Variants in NEK10 observed in about 807,000 individuals in gnomAD.
NEK10 encodes NIMA related kinase 10, also known as serine/threonine-protein kinase Nek10.
NEK10 carries 122 observed loss-of-function variants against 159.8 expected under a neutral mutation model. The ratio of observed to expected loss-of-function variants is 0.76; its 90% confidence interval spans 0.66 to 0.89. The LOEUF is 0.89. Among genes scored for constraint, NEK10 ranks in the 40% least tolerant of loss-of-function variants. The pLI is 0.00. For synonymous variants in NEK10, 466 were observed against 457.1 expected (o/e 1.02, Z -0.25); for missense variants, 1,342 against 1,323.1 (o/e 1.01, Z -0.22).
intron 26 of NEK10, among the ~76,000 whole-genome samples, chr3:27,180,300 C>T (rs1323380229): frequency 2.0e-5 from 3 of 151,616 alleles, no homozygotes; most frequent in Non-Finnish European, 2.9e-5. Flanking sequence ...GAGGCGAAGG[C>T]AGGAGAATCA....
intron 26 of NEK10, among the ~76,000 whole-genome samples, chr3:27,181,468 G>A (rs2148919341): frequency 6.6e-6 from 1 of 152,202 alleles, no homozygotes; most frequent in South Asian, 2.1e-4. Flanking sequence ...AAGAGGAAGA[G>A]GAGGGGTTGG....
intron 5 of NEK10, among the ~76,000 whole-genome samples, chr3:27,324,588 C>A (rs1305704609): frequency 2.6e-5 from 4 of 152,164 alleles, no homozygotes; most frequent in Non-Finnish European, 5.9e-5. Flanking sequence ...CCACTTCTCA[C>A]TATTTCCTCC....
At chr3:27,180,442 G>A (rs1313052971) in intron 26 of NEK10, among the ~76,000 whole-genome samples, 1 of 150,968 alleles carries the variant, frequency 6.6e-6, no homozygotes, top group Non-Finnish European at 1.5e-5. Flanking sequence ...GGAGGGGAAG[G>A]GAGGGGAAGG....
chr3:27,127,638 A>G (rs1942124750), intron 32 of NEK10, among the ~76,000 whole-genome samples: 1 of 152,176 alleles, frequency 6.6e-6, no homozygotes, highest in African/African-American at 2.4e-5. Flanking sequence ...GACCACTGTC[A>G]TATATCCAGT....
intron 31 of NEK10, among the ~76,000 whole-genome samples, chr3:27,136,270 G>A (rs766024160): frequency 5.3e-5 from 8 of 151,458 alleles, no homozygotes; most frequent in African/African-American, 1.7e-4. Flanking sequence ...CCACCACCAC[G>A]CCCGGCTAAT....
chr3:27,213,654 C>T (rs951897293), intron 23 of NEK10, among the ~76,000 whole-genome samples: 22 of 152,248 alleles, frequency 1.4e-4, no homozygotes, highest in African/African-American at 5.1e-4. Flanking sequence ...ATTATAATCT[C>T]CTCTTTTTGG....
chr3:27,146,319 C>T (rs1427870066), intron 30 of NEK10, among the ~76,000 whole-genome samples: 1 of 152,050 alleles, frequency 6.6e-6, no homozygotes, highest in Non-Finnish European at 1.5e-5. Context: ...ACAAATTAAA[C>T]CCAAAAAAGT....
At chr3:27,205,606 G>T (rs1469705359) in intron 23 of NEK10, among the ~76,000 whole-genome samples, 2 of 139,164 alleles carry the variant, frequency 1.4e-5, no homozygotes, top group Non-Finnish European at 3.0e-5. Flanking sequence ...AAGCAATGTG[G>T]AAAGGATTCC....
rs113412418 is a variant in NEK10 at position 27,337,031 on chromosome 3, G to C, written c.362+7241C>G. 3.7e-4 allele frequency among the ~76,000 whole-genome samples: 47 copies of C among 126,706 alleles called. 1 individual carries two copies. Among genetic ancestry groups the C allele is most frequent in the East Asian group, 1.6e-3 (8 of 5,100 alleles). The allele number at this position is 126,706 out of a possible 152,430, so 83.1% of individuals were successfully genotyped here. On this transcript the variant is annotated intron_variant, in intron 5 of 35. Transcript: ENST00000691995. ...GAAATAAAAGGCATACACATTTGGC[G>C]GGGGGGAAAGGAAGATGTACCTCTT...
In NEK10 at chr3:27,218,699, C is replaced by A. The variant is rs79805289; in HGVS notation, c.2091-16142G>T. Among the ~76,000 whole-genome samples the A allele has an allele frequency of 1.6e-4, 20 of 121,440 alleles. No individual in the cohort carries two copies. In the East Asian group the frequency reaches 4.7e-3, roughly 28 times the overall value. The allele number at this position is 121,440 out of a possible 152,430, so 79.7% of individuals were successfully genotyped here. ...CAAGGACGGCTTAAAATACGAAAAT[C>A]AATCCAGGTAAAACATCATATTAAC... On this transcript the variant is annotated intron_variant, in intron 23 of 35. Coordinates refer to ENST00000691995, the MANE Select transcript of NEK10 (RefSeq NM_001394966.1).
rs1378386170 is a variant in NEK10, at chr3:27,256,372, C to T, written c.2015-1G>A. 1.3e-6 allele frequency: 2 copies of T among 1,563,988 alleles called. No individual in the cohort carries two copies. Among genetic ancestry groups the T allele is most frequent in the Admixed American group, 2.0e-5 (1 of 50,210 alleles). ...TTTTGCTTTGCCAGGCCAAAGTCAG[C>T]TACAATTCACAAAACAACGCAATAT... is the stretch of plus-strand genomic sequence containing the variant. On this transcript the variant is annotated splice_acceptor_variant, in intron 22 of 35. Coordinates refer to ENST00000691995, the MANE Select transcript of NEK10 (RefSeq NM_001394966.1). LOFTEE classifies it high-confidence loss of function.
intron 22 of NEK10, among the ~76,000 whole-genome samples, chr3:27,275,835 A>C (rs2041730098): frequency 1.3e-5 from 2 of 152,190 alleles, no homozygotes; most frequent in African/African-American, 2.4e-5. Flanking sequence ...AAAATACTGA[A>C]GATTCTGGCA....
chr3:27,199,695 C>T (rs1254546091), intron 25 of NEK10, among the ~76,000 whole-genome samples: 1 of 152,080 alleles, frequency 6.6e-6, no homozygotes, highest in African/African-American at 2.4e-5. Context: ...ATAGCAAAGA[C>T]ATGGAATCAA....
At chr3:27,189,843 G>T (rs1019233625) in intron 26 of NEK10, among the ~76,000 whole-genome samples, 2 of 152,066 alleles carry the variant, frequency 1.3e-5, no homozygotes, top group Non-Finnish European at 2.9e-5. Flanking sequence ...TTTAAAGCAG[G>T]AATATAAACT....
In NEK10 at chr3:27,150,200, T is replaced by C. The variant is rs1314533489; in HGVS notation, c.2870-8618A>G. Reference sequence around the variant, plus strand: ...TACAAGGCAAAGCTGTAAATGCTGATATAGAAGTTGCAGCAAGGTAAGATC... The same window carrying C: ...TACAAGGCAAAGCTGTAAATGCTGACATAGAAGTTGCAGCAAGGTAAGATC... On this transcript the variant is annotated intron_variant, in intron 30 of 35. Coordinates refer to ENST00000691995, the MANE Select transcript of NEK10 (RefSeq NM_001394966.1). Among the ~76,000 whole-genome samples the C allele has an allele frequency of 2.6e-5, 4 of 152,312 alleles. No individual in the cohort carries two copies. The East Asian group carries it at 7.7e-4, about 29-fold the overall frequency.
intron 5 of NEK10, among the ~76,000 whole-genome samples, chr3:27,343,661 A>G (rs2047358229): frequency 6.6e-6 from 1 of 152,190 alleles, no homozygotes; most frequent in African/African-American, 2.4e-5. Flanking sequence ...GAACGGACAG[A>G]AAATTCGGAC....
At chr3:27,190,133 A>T (rs888862035) in intron 26 of NEK10, among the ~76,000 whole-genome samples, 4 of 152,130 alleles carry the variant, frequency 2.6e-5, no homozygotes, top group African/African-American at 9.7e-5. Context: ...ACATTAACTC[A>T]TTTATCCTAG....
At position 27,141,506 on chromosome 3, in the gene NEK10, C is replaced by T; in HGVS notation, c.2946G>A (p.Leu982=). ...CCTGTGTGATATAGATTATTTTGTG[C>T]AGCTGAATTAATATCTGCTGAATAG... is the stretch of plus-strand genomic sequence containing the variant. ...SDPIQQILIQ[L]HKIIYITQLP... Residue 982 remains leucine, a synonymous_variant, in exon 31 of 36, where the codon CTG becomes CTA. Transcript: ENST00000691995. 6.2e-7 allele frequency: 1 copy of T among 1,612,508 alleles called. No homozygotes were observed. The highest frequency in any genetic ancestry group is 8.5e-7 in the Non-Finnish European group (1 of 1,178,968).
At chr3:27,144,908 G>A (rs771813493) in intron 30 of NEK10, among the ~76,000 whole-genome samples, 1 of 151,992 alleles carries the variant, frequency 6.6e-6, no homozygotes, top group Non-Finnish European at 1.5e-5. Flanking sequence ...TTTTAGTAGA[G>A]ACAGGGTTTC....
Sources: gnomAD v4.1 joint callset for allele counts (sites outside exome capture counted in the v4.1 genomes callset) on GRCh38, gnomAD v4.1.1 for gene constraint, MANE v1.5 for transcripts, NCBI Gene and HGNC (gene_info 2026-07-23, HGNC 2026-07-21) for gene names.